The following CNOT6L variants were observed in gnomAD, a reference collection of about 807,000 sequenced individuals.
The protein encoded by CNOT6L is CCR4-NOT transcription complex subunit 6-like.
CNOT6L carries 7 observed loss-of-function variants against 64.0 expected under a neutral mutation model. The ratio of observed to expected loss-of-function variants is 0.11; its 90% CI spans 0.06 to 0.21. The LOEUF (loss-of-function observed/expected upper bound fraction) is 0.21. Among genes scored for constraint, CNOT6L ranks in the 10% least tolerant of loss-of-function variants. The probability of loss-of-function intolerance (pLI) is 1.00; values close to 1 mark genes in which losing one functional copy is unlikely to be tolerated. For synonymous variants in CNOT6L, 193 were observed against 243.4 expected, an observed-to-expected ratio of 0.79 and a Z score of 1.93; for missense variants, 245 against 669.0, an observed-to-expected ratio of 0.37 and a Z score of 6.99.
intron 9 of CNOT6L, among the ~76,000 whole-genome samples, chr4:77,731,078 A>C (rs1432746912): frequency 6.6e-6 from 1 of 152,142 alleles, no homozygotes; most frequent in East Asian, 1.9e-4. Context: ...AAGTCATCAT[A>C]ATTTCTAAAT....
chr4:77,715,342 C>A lies in CNOT6L; in HGVS notation c.*5089G>T, dbSNP rs1277228782. On this transcript the variant is annotated 3_prime_UTR_variant, in exon 12 of 12. Transcript: ENST00000504123. ...GCAGTTCAATGCTACTCAGTTTATA[C>A]AATGTACCATAAAAAAAAATTAACA... 2 of 151,984 alleles carry A rather than the reference C, an allele frequency of 1.3e-5. No homozygotes were observed. The highest frequency in any genetic ancestry group is 4.8e-5 in the African/African-American group (2 of 41,382). The allele number at this position is 151,984 out of a possible 1,614,324, so 9.4% of individuals were successfully genotyped here. A position where few individuals can be genotyped will look rare whatever the true frequency, so the allele number is the denominator to read the frequency against.
intron 1 of CNOT6L, among the ~76,000 whole-genome samples, chr4:77,810,066 T>C (rs1182950717): frequency 1.3e-5 from 2 of 152,072 alleles, no homozygotes; most frequent in Non-Finnish European, 2.9e-5. Context: ...CTAAAAATAA[T>C]GAAAACTAAT....
chr4:77,819,901 C>T (rs1734099290), upstream of CNOT6L, among the ~76,000 whole-genome samples: 1 of 151,540 alleles, frequency 6.6e-6, no homozygotes, highest in African/African-American at 2.4e-5. Context: ...GACAGTGACC[C>T]CAGGCGCGCA....
intron 5 of CNOT6L, among the ~76,000 whole-genome samples, chr4:77,752,556 A>T (rs1724971034): frequency 6.6e-6 from 1 of 152,162 alleles, no homozygotes. Context: ...TAAGCTAGGA[A>T]CCTATGACAA....
At chr4:77,779,324 C>A (rs918265798) in intron 1 of CNOT6L, among the ~76,000 whole-genome samples, 14 of 151,972 alleles carry the variant, frequency 9.2e-5, no homozygotes, top group African/African-American at 3.1e-4. Context: ...CCAATTAACA[C>A]CCAATGCTTT....
chr4:77,766,915 T>C (rs1231560479), intron 4 of CNOT6L, among the ~76,000 whole-genome samples: 1 of 151,230 alleles, frequency 6.6e-6, no homozygotes, highest in Non-Finnish European at 1.5e-5. Flanking sequence ...ACACAAAAAT[T>C]ACCTAGGTGT....
intron 8 of CNOT6L, among the ~76,000 whole-genome samples, chr4:77,735,399 C>A (rs1051326080): frequency 7.9e-5 from 12 of 152,262 alleles, no homozygotes; most frequent in Non-Finnish European, 1.5e-4. Flanking sequence ...TGAGGCTGGG[C>A]AAGTCTGTCT....
intron 1 of CNOT6L, among the ~76,000 whole-genome samples, chr4:77,790,029 A>G (rs1256343357): frequency 1.3e-5 from 2 of 151,098 alleles, no homozygotes; most frequent in Non-Finnish European, 2.9e-5. Flanking sequence ...AATATAAAGC[A>G]TGCCCTAAAA....
At chr4:77,808,793 T>C (rs1732559637) in intron 1 of CNOT6L, among the ~76,000 whole-genome samples, 1 of 152,202 alleles carries the variant, frequency 6.6e-6, no homozygotes, top group Non-Finnish European at 1.5e-5. Context: ...AAAATCCATA[T>C]GTACTCTGTA....
At chr4:77,740,038 A>G (rs1036858279) in intron 8 of CNOT6L, among the ~76,000 whole-genome samples, 3 of 151,702 alleles carry the variant, frequency 2.0e-5, no homozygotes, top group African/African-American at 7.3e-5. Flanking sequence ...TTTTTTTTTT[A>G]AGCTATGGTG....
intron 1 of CNOT6L, chr4:77,819,018 C>T: frequency 1.5e-6 from 1 of 667,052 alleles, no homozygotes; most frequent in Non-Finnish European, 2.7e-6. Context: ...AGGGACACGC[C>T]ACTCTGGGGT....
chr4:77,747,109 C>G (rs1724282494), intron 6 of CNOT6L, among the ~76,000 whole-genome samples: 1 of 151,832 alleles, frequency 6.6e-6, no homozygotes, highest in Admixed American at 6.6e-5. Context: ...AACAAAAGGC[C>G]TTTATATTGC....
In CNOT6L at chr4:77,744,660, T is replaced by C. The variant is rs144215786; in HGVS notation, c.717+58A>G. 1.0e-3 allele frequency: 1,472 copies of C among 1,452,110 alleles called. 12 individuals are homozygous for C. The African/African-American group carries it at 0.018, about 18-fold the overall frequency. The allele number at this position is 1,452,110 out of a possible 1,614,324, so 90.0% of individuals were successfully genotyped here. ...AGGATCTCTCCCAGTGGTCAGATCT[T>C]CTCTTATGTTTAAGTTCACCTTTTA... On this transcript the variant is annotated intron_variant, in intron 7 of 11. Transcript: ENST00000504123.
intron 4 of CNOT6L, among the ~76,000 whole-genome samples, chr4:77,760,928 G>A (rs1446029173): frequency 1.6e-5 from 2 of 128,930 alleles, no homozygotes; most frequent in African/African-American, 5.9e-5. Context: ...GTGTTAGCCA[G>A]GATGGTCTTG....
At chr4:77,819,242 C>T in intron 1 of CNOT6L, 62 bp downstream of exon 1, 1 of 1,613,216 alleles carries the variant, frequency 6.2e-7, no homozygotes, top group Non-Finnish European at 8.5e-7. Context: ...CCTCATTTCC[C>T]CGGGGACGCG....
intron 3 of CNOT6L, 90 bp from the exon 4 acceptor site, chr4:77,773,256 T>G: frequency 5.6e-6 from 4 of 718,612 alleles, no homozygotes; most frequent in African/African-American, 3.6e-5. Flanking sequence ...TCTAACATAC[T>G]ATGAGTGATT....
intron 1 of CNOT6L, among the ~76,000 whole-genome samples, chr4:77,779,001 C>G (rs866875813): frequency 1.8e-4 from 26 of 140,878 alleles, no homozygotes; most frequent in Admixed American, 5.9e-4. Context: ...GGGCCGAGAT[C>G]GCGCCACTAC....
intron 1 of CNOT6L, among the ~76,000 whole-genome samples, chr4:77,814,446 T>C (rs1733333772): frequency 6.6e-6 from 1 of 152,210 alleles, no homozygotes; most frequent in Non-Finnish European, 1.5e-5. Context: ...CATTCCATTT[T>C]ATGTCTCAGA....
At chr4:77,784,214 T>C (rs1729196393) in intron 1 of CNOT6L, among the ~76,000 whole-genome samples, 1 of 152,094 alleles carries the variant, frequency 6.6e-6, no homozygotes, top group Admixed American at 6.6e-5. Flanking sequence ...TTTTCCCATA[T>C]CTGAGATACA....
Sources: allele counts gnomAD v4.1 joint callset (sites outside exome capture counted in the v4.1 genomes callset), GRCh38; gene constraint gnomAD v4.1.1; transcripts MANE v1.5; gene names NCBI Gene and HGNC (gene_info 2026-07-23, HGNC 2026-07-21).